AMPH: variants seen among roughly 807,000 people sequenced by gnomAD.
AMPH encodes the protein amphiphysin.
AMPH carries 49 observed loss-of-function variants against 99.1 expected under a neutral mutation model. That is an observed-to-expected ratio of 0.49 (90% CI 0.39 to 0.63). AMPH has a LOEUF of 0.63. Ranked by LOEUF, AMPH falls within the 20% of genes least tolerant of loss-of-function variation. The probability of loss-of-function intolerance (pLI) is 0.00; values close to 1 mark genes in which losing one functional copy is unlikely to be tolerated. For synonymous variants in AMPH, 314 were observed against 317.3 expected, an observed-to-expected ratio of 0.99 and a Z score of 0.11; for missense variants, 759 against 863.4, an observed-to-expected ratio of 0.88 and a Z score of 1.52.
chr7:38,625,335 C>T (rs911345012), intron 1 of AMPH, among the ~76,000 whole-genome samples: 4 of 152,116 alleles, frequency 2.6e-5, no homozygotes, highest in African/African-American at 7.2e-5. Context: ...TATTGATAAA[C>T]ATTTGACATA....
At chr7:38,409,856 T>C (rs1435854379) in intron 17 of AMPH, among the ~76,000 whole-genome samples, 1 of 152,186 alleles carries the variant, frequency 6.6e-6, no homozygotes, top group Non-Finnish European at 1.5e-5. Flanking sequence ...TGTCAGTATA[T>C]CCAATAATAA....
At chr7:38,504,054 T>C (rs1250108473) in intron 2 of AMPH, among the ~76,000 whole-genome samples, 4 of 152,236 alleles carry the variant, frequency 2.6e-5, no homozygotes, top group Admixed American at 6.5e-5. Context: ...AAGCCACATA[T>C]GGCTGTTGAG....
chr7:38,583,678 C>A (rs1469654), intron 1 of AMPH, among the ~76,000 whole-genome samples: 42,298 of 152,044 alleles, frequency 0.28, 6,269 homozygotes, highest in Non-Finnish European at 0.33. Flanking sequence ...GAAAATAAAG[C>A]AGAGCCCCTG....
intron 17 of AMPH, among the ~76,000 whole-genome samples, chr7:38,395,347 T>G (rs1584033933): frequency 6.6e-6 from 1 of 152,278 alleles, no homozygotes; most frequent in East Asian, 1.9e-4. Flanking sequence ...ATAGGCAAAA[T>G]GCCAAAATCA....
At chr7:38,563,978 C>A (rs549350024) in intron 1 of AMPH, among the ~76,000 whole-genome samples, 2 of 152,142 alleles carry the variant, frequency 1.3e-5, no homozygotes, top group Admixed American at 1.3e-4. Context: ...CATGAATAGA[C>A]CCCAACTGGT....
chr7:38,601,822 G>A (rs1453162602), intron 1 of AMPH, among the ~76,000 whole-genome samples: 4 of 152,112 alleles, frequency 2.6e-5, no homozygotes, highest in South Asian at 2.1e-4. Context: ...CTCTCAAGAA[G>A]AAAGCAAACA....
chr7:38,398,009 A>G (rs1784720770), intron 17 of AMPH, among the ~76,000 whole-genome samples: 1 of 152,054 alleles, frequency 6.6e-6, no homozygotes. Context: ...GGCAATAACA[A>G]ATGCTGGCGA....
chr7:38,524,323 A>G (rs1790081644), intron 2 of AMPH, among the ~76,000 whole-genome samples: 1 of 152,224 alleles, frequency 6.6e-6, no homozygotes, highest in African/African-American at 2.4e-5. Context: ...AAACCTGACA[A>G]TTAGGGGCAA....
intron 1 of AMPH, among the ~76,000 whole-genome samples, chr7:38,593,648 T>A (rs535525986): frequency 3.9e-4 from 60 of 152,232 alleles, no homozygotes; most frequent in Non-Finnish European, 7.8e-4. Context: ...TTGATTCACT[T>A]TCATTCGTTC....
intron 3 of AMPH, among the ~76,000 whole-genome samples, chr7:38,499,924 C>G (rs901555281): frequency 6.6e-6 from 1 of 152,194 alleles, no homozygotes; most frequent in African/African-American, 2.4e-5. Context: ...CCTGCTGCCA[C>G]GCAAGACATG....
intron 2 of AMPH, among the ~76,000 whole-genome samples, chr7:38,504,127 A>G (rs946954404): frequency 2.6e-5 from 4 of 152,216 alleles, no homozygotes; most frequent in African/African-American, 9.6e-5. Flanking sequence ...TATTTTATAC[A>G]ACATATTTTA....
At chr7:38,566,465 A>G (rs1219094657) in intron 1 of AMPH, among the ~76,000 whole-genome samples, 1 of 152,184 alleles carries the variant, frequency 6.6e-6, no homozygotes, top group Non-Finnish European at 1.5e-5. Flanking sequence ...CCTAGGCAAT[A>G]CCATTCAGGA....
intron 17 of AMPH, among the ~76,000 whole-genome samples, chr7:38,404,492 GA>G (rs1468466099): frequency 6.6e-6 from 1 of 152,148 alleles, no homozygotes; most frequent in Non-Finnish European, 1.5e-5. Context: ...CAGTGTTTGA[GA>G]AAGCCACCAC....
Position 38,461,420 on chromosome 7 carries a change from C to A in AMPH, c.889-9G>T. The A allele has an allele frequency of 6.2e-7, 1 of 1,613,878 alleles. No individual in the cohort carries two copies. Among genetic ancestry groups the A allele is most frequent in the Non-Finnish European group, 8.5e-7 (1 of 1,179,812 alleles). ...GGAGGCCCTTTCCTTGTCTAGGAAG[C>A]ATTAAATACAAACATTAATCCAGCC... On this transcript the variant is annotated splice_polypyrimidine_tract_variant and intron_variant, in intron 10 of 20. Coordinates refer to ENST00000356264, the MANE Select transcript of AMPH (RefSeq NM_001635.4).
In AMPH at chr7:38,541,599, AG is replaced by A. The variant is rs530176657; in HGVS notation, c.70-6589del. Among the ~76,000 whole-genome samples the A allele has an allele frequency of 2.0e-5, 3 of 152,336 alleles. No homozygotes were observed. The East Asian group carries it at 5.8e-4, about 29-fold the overall frequency. Reference sequence around the variant, plus strand: ...AGTGCATTAGCCATCACGTCATCAAAGCCTCTGAGGCTGGCATGAGCCTTCC... The same window carrying A: ...AGTGCATTAGCCATCACGTCATCAAACCTCTGAGGCTGGCATGAGCCTTCC... On this transcript the variant is annotated intron_variant, in intron 1 of 20. Coordinates refer to ENST00000356264, the MANE Select transcript of AMPH (RefSeq NM_001635.4).
rs564252753 is a variant in AMPH at position 38,556,855 on chromosome 7, C to T, written c.70-21844G>A. Among the ~76,000 whole-genome samples, 12 of 152,174 alleles carry T rather than the reference C, an allele frequency of 7.9e-5. No individual in the cohort carries two copies. The South Asian group carries it at 1.2e-3, about 16-fold the overall frequency. Reference sequence around the variant, plus strand: ...CTGGGGACTACCAGAGTGGGAGGGACGGAGGATGGCAAGAGGGGAAAACTA... The same window carrying T: ...CTGGGGACTACCAGAGTGGGAGGGATGGAGGATGGCAAGAGGGGAAAACTA... On this transcript the variant is annotated intron_variant, in intron 1 of 20. Coordinates refer to ENST00000356264, the MANE Select transcript of AMPH (RefSeq NM_001635.4).
At chr7:38,565,958 C>T (rs1489514440) in intron 1 of AMPH, among the ~76,000 whole-genome samples, 1 of 152,142 alleles carries the variant, frequency 6.6e-6, no homozygotes, top group Non-Finnish European at 1.5e-5. Flanking sequence ...TATCACTTTC[C>T]ATTTAAAAAT....
At chr7:38,390,906 G>A (rs150247527) in intron 19 of AMPH, among the ~76,000 whole-genome samples, 96 of 147,026 alleles carry the variant, frequency 6.5e-4, no homozygotes, top group African/African-American at 2.4e-3. Flanking sequence ...AGCCACCCCT[G>A]TCCCCACAAG....
At chr7:38,601,874 C>T (rs1055097315) in intron 1 of AMPH, among the ~76,000 whole-genome samples, 1 of 152,116 alleles carries the variant, frequency 6.6e-6, no homozygotes, top group Non-Finnish European at 1.5e-5. Flanking sequence ...CTCTCCTCAC[C>T]TTCTCTACTC....
Sources: allele counts gnomAD v4.1 joint callset (sites outside exome capture counted in the v4.1 genomes callset), GRCh38; gene constraint gnomAD v4.1.1; transcripts MANE v1.5; gene names NCBI Gene and HGNC (gene_info 2026-07-23, HGNC 2026-07-21).